The following DDHD1 variants were observed in gnomAD, a reference collection of about 807,000 sequenced individuals.
The protein encoded by DDHD1 is DDHD domain containing 1, also known as phospholipase DDHD1.
A neutral mutation model predicts 96.4 loss-of-function variants in DDHD1; 49 were observed. The observed-to-expected ratio is 0.51, with a 90% CI of 0.40 to 0.64. DDHD1 has a LOEUF of 0.64. Ranked by LOEUF, DDHD1 falls within the 30% of genes least tolerant of loss-of-function variation. DDHD1 has a pLI of 0.00. For synonymous variants in DDHD1, 442 were observed against 446.5 expected, an observed-to-expected ratio of 0.99 and a Z score of 0.13; for missense variants, 1,106 against 1,161.2, an observed-to-expected ratio of 0.95 and a Z score of 0.69.
chr14:53,080,882 C>T (rs755661343), intron 4 of DDHD1, among the ~76,000 whole-genome samples: 5 of 152,116 alleles, frequency 3.3e-5, no homozygotes, highest in African/African-American at 4.8e-5. Context: ...TAGGCATGTG[C>T]TACCATGTCC....
At chr14:53,117,903 T>G (rs372807778) in intron 1 of DDHD1, among the ~76,000 whole-genome samples, 1 of 152,150 alleles carries the variant, frequency 6.6e-6, no homozygotes, top group Admixed American at 6.5e-5. Flanking sequence ...CCTCCCAGTA[T>G]TGGCCGACAG....
At chr14:53,052,820 G>A (rs1882719595) in intron 11 of DDHD1, 1 of 151,588 alleles carries the variant, frequency 6.6e-6, no homozygotes, top group Non-Finnish European at 1.5e-5. Context: ...TTACCATTCG[G>A]ACTATCAAAG....
chr14:53,149,385 A>T (rs1891199150), intron 1 of DDHD1, among the ~76,000 whole-genome samples: 1 of 152,202 alleles, frequency 6.6e-6, no homozygotes, highest in South Asian at 2.1e-4. Flanking sequence ...AGTTTCCAAA[A>T]CAGCTAAAAA....
At chr14:53,129,923 C>T (rs895963155) in intron 1 of DDHD1, among the ~76,000 whole-genome samples, 8 of 152,180 alleles carry the variant, frequency 5.3e-5, no homozygotes, top group East Asian at 3.9e-4. Flanking sequence ...CTGAGGTGCC[C>T]GACGTCCAGG....
rs1403071001 is a variant in DDHD1, at chr14:53,054,458, G to A, written c.2417C>T (p.Ser806Phe). 2 of 1,614,002 alleles carry A rather than the reference G, an allele frequency of 1.2e-6. No homozygotes were observed. Among genetic ancestry groups the A allele is most frequent in the East Asian group, 2.2e-5 (1 of 44,884 alleles). ...VGTQTLPHSSSGFLDSAYFRL... is the reference protein window; with the variant it reads ...VGTQTLPHSSFGFLDSAYFRL... Reference sequence around the variant, plus strand: ...CTAACATGCAGAATCGAGGAAGCCAGAACTGCTATGTGGAAGGGTCTGTGT... The same window carrying A: ...CTAACATGCAGAATCGAGGAAGCCAAAACTGCTATGTGGAAGGGTCTGTGT... Residue 806 changes from serine to phenylalanine, a missense_variant, in exon 11 of 13, where the codon TCT becomes TTT. Around this residue, in one of 2 missense-constraint regions of DDHD1, gnomAD observed 650 missense variants for 758.8 expected, o/e 0.86. Transcript: ENST00000673822.
intron 1 of DDHD1, among the ~76,000 whole-genome samples, chr14:53,124,517 A>C (rs997585672): frequency 6.6e-6 from 1 of 152,214 alleles, no homozygotes; most frequent in African/African-American, 2.4e-5. Flanking sequence ...CCTATACCTC[A>C]AAATATAACT....
chr14:53,071,545 T>C (rs554683234), intron 6 of DDHD1, among the ~76,000 whole-genome samples: 1 of 152,198 alleles, frequency 6.6e-6, no homozygotes, highest in African/African-American at 2.4e-5. Flanking sequence ...TCAATAAACA[T>C]GTAGACCATA....
chr14:53,130,190 C>G (rs1439416168), intron 1 of DDHD1, among the ~76,000 whole-genome samples: 1 of 152,176 alleles, frequency 6.6e-6, no homozygotes, highest in East Asian at 1.9e-4. Flanking sequence ...CCTCCTCACA[C>G]CCGGTCTAGA....
rs773471278 is a variant in DDHD1 at position 53,063,124 on chromosome 14, C to A, written c.1585G>T (p.Gly529Cys). The stretch of plus-strand genomic sequence containing the variant: ...GAATGTGATACTATTGAGACTTTAC[C>A]CCCTTTTTCTTCAAAGTCTGGATTC... ...SRNPDFEEKGGKVSIVSHSLG... is the reference protein window; with the variant it reads ...SRNPDFEEKGCKVSIVSHSLG... The change falls in exon 7 of 13, where the codon GGT becomes TGT. Residue 529 changes from glycine (G) to cysteine (C), a missense_variant. Around this residue, in one of 2 missense-constraint regions of DDHD1, gnomAD observed 650 missense variants for 758.8 expected, o/e 0.86. Coordinates refer to ENST00000673822, the MANE Select transcript of DDHD1 (RefSeq NM_001160148.2). 1 of 1,613,950 alleles carries A rather than the reference C, an allele frequency of 6.2e-7. No homozygotes were observed. Among genetic ancestry groups the A allele is most frequent in the Admixed American group, 1.7e-5 (1 of 60,016 alleles).
At chr14:53,061,332 G>T in intron 7 of DDHD1, 131 bp from the exon 8 acceptor site, 2 of 641,498 alleles carry the variant, frequency 3.1e-6, no homozygotes, top group East Asian at 3.1e-5. Flanking sequence ...CTGGTTGACA[G>T]TATTTAATAA....
At chr14:53,069,909 C>T (rs1884367784) in intron 6 of DDHD1, among the ~76,000 whole-genome samples, 1 of 152,220 alleles carries the variant, frequency 6.6e-6, no homozygotes, top group Admixed American at 6.5e-5. Flanking sequence ...GATCAAAAGA[C>T]TAATTCAAAG....
chr14:53,102,900 A>T, intron 2 of DDHD1: 2 of 845,574 alleles, frequency 2.4e-6, no homozygotes, highest in Non-Finnish European at 3.7e-6. Context: ...TTAATATTTT[A>T]ATTCATTAGA....
At chr14:53,067,159 T>C (rs1002865934) in intron 6 of DDHD1, among the ~76,000 whole-genome samples, 3 of 150,056 alleles carry the variant, frequency 2.0e-5, no homozygotes, top group Non-Finnish European at 4.5e-5. Flanking sequence ...TCCTTTTCTT[T>C]TTTTTTTTTT....
At position 53,093,412 on chromosome 14, in the gene DDHD1, C is replaced by CA. The variant is rs1886604612; in HGVS notation, c.1044dup (p.Val349CysfsTer8). ...ACTTCATCCACACTGTGCCAGTCCA[C>CA]ATGGTTTCGACTCAACTTGAAACTA... On this transcript the variant is annotated frameshift_variant, in exon 3 of 13. Coordinates refer to ENST00000673822, the MANE Select transcript of DDHD1 (RefSeq NM_001160148.2). LOFTEE classifies it high-confidence loss of function. The CA allele has an allele frequency of 6.2e-7, 1 of 1,612,146 alleles. No homozygotes were observed. Among genetic ancestry groups the CA allele is most frequent in the Admixed American group, 1.7e-5 (1 of 59,712 alleles).
intron 1 of DDHD1, among the ~76,000 whole-genome samples, chr14:53,128,101 T>C (rs931416176): frequency 6.6e-5 from 10 of 152,172 alleles, no homozygotes; most frequent in Non-Finnish European, 1.3e-4. Context: ...CCTCCTACCA[T>C]GTGAAGAAGG....
chr14:53,061,084 A>T, intron 8 of DDHD1, 42 bp downstream of exon 8: 2 of 1,551,150 alleles, frequency 1.3e-6, no homozygotes, highest in Non-Finnish European at 1.8e-6. Context: ...GTTAAAAAAA[A>T]TACTGAGATC....
At position 53,152,910 on chromosome 14, in the gene DDHD1, G is replaced by A. The variant is rs1018333893; in HGVS notation, c.189C>T (p.Pro63=). 1.3e-5 allele frequency: 21 copies of A among 1,608,194 alleles called. No individual in the cohort carries two copies. Among genetic ancestry groups the A allele is most frequent in the Non-Finnish European group, 1.6e-5 (19 of 1,177,768 alleles). The part of the protein sequence containing the change: ...DVPLALLRGE[P]GLHLAPGTDD... Reference sequence around the variant, plus strand: ...CGGTGCCCGGCGCCAAATGCAGCCCGGGTTCCCCGCGCAGCAGGGCCAGGG... The same window carrying A: ...CGGTGCCCGGCGCCAAATGCAGCCCAGGTTCCCCGCGCAGCAGGGCCAGGG... The change falls in exon 1 of 13, where the codon CCC becomes CCT. Residue 63 remains proline (P), a synonymous_variant. Transcript: ENST00000673822.
Position 53,093,364 on chromosome 14 carries a change from T to C in DDHD1, c.1093A>G (p.Thr365Ala), listed in dbSNP as rs777528149. The C allele has an allele frequency of 2.5e-5, 40 of 1,612,644 alleles. No homozygotes were observed. The Admixed American group carries it at 4.7e-4, about 19-fold the overall frequency. Residue 365 changes from threonine to alanine, a missense_variant, in exon 3 of 13, where the codon ACA becomes GCA. This residue lies in a region of DDHD1 where 650 missense variants were observed against 758.8 expected (regional missense o/e 0.86). Transcript: ENST00000673822. ...GTAACTGTTCTTGCAATTTTAGATG[T>C]TGTTGCATCACTATAAAGATATACT... The part of the protein sequence containing the change: ...DEVYLYSDAT[T>A]SKIARTVTQK...
At position 53,047,833 on chromosome 14, in the gene DDHD1, C is replaced by T. The variant is rs149649306; in HGVS notation, c.2522-884G>A. Among the ~76,000 whole-genome samples, 14 of 152,274 alleles carry T rather than the reference C, an allele frequency of 9.2e-5. No individual in the cohort carries two copies. The East Asian group carries it at 2.3e-3, about 25-fold the overall frequency. ...TAGAGATAAACACTTAAGAATATGACATTTTGATCCTTAGGAACTCCTTTA... is the reference window on the plus strand; with the variant it reads ...TAGAGATAAACACTTAAGAATATGATATTTTGATCCTTAGGAACTCCTTTA... On this transcript the variant is annotated intron_variant, in intron 12 of 12. Coordinates refer to ENST00000673822, the MANE Select transcript of DDHD1 (RefSeq NM_001160148.2).
Sources: allele counts gnomAD v4.1 joint callset (sites outside exome capture counted in the v4.1 genomes callset), GRCh38; gene constraint gnomAD v4.1.1; regional missense constraint gnomAD v4.1.1; transcripts MANE v1.5; gene names NCBI Gene and HGNC (gene_info 2026-07-23, HGNC 2026-07-21).